The following RPGRIP1L variants were observed in gnomAD, a reference collection of about 807,000 sequenced individuals.
RPGRIP1L encodes RPGRIP1 like, also known as protein fantom.
A neutral mutation model predicts 160.4 loss-of-function variants in RPGRIP1L; 131 were observed. The observed-to-expected ratio is 0.82, with a 90% CI of 0.71 to 0.94. The LOEUF (loss-of-function observed/expected upper bound fraction) is 0.94. Among genes scored for constraint, RPGRIP1L ranks in the 40% least tolerant of loss-of-function variants. The probability of loss-of-function intolerance (pLI) is 0.00; values close to 1 mark genes in which losing one functional copy is unlikely to be tolerated. For synonymous variants in RPGRIP1L, 510 were observed against 515.8 expected (o/e 0.99, Z 0.15); for missense variants, 1,522 against 1,535.8 (o/e 0.99, Z 0.15).
intron 1 of RPGRIP1L, among the ~76,000 whole-genome samples, chr16:53,703,044 G>A (rs575901274): frequency 8.5e-5 from 13 of 152,288 alleles, no homozygotes; most frequent in Non-Finnish European, 1.5e-4. Flanking sequence ...CGAGACGGGC[G>A]GCTGACTTCA....
chr16:53,618,213 T>C (rs921298220), intron 24 of RPGRIP1L, among the ~76,000 whole-genome samples: 1 of 152,172 alleles, frequency 6.6e-6, no homozygotes, highest in Admixed American at 6.5e-5. Flanking sequence ...GTGTGTGCTA[T>C]ATGATGAAAG....
chr16:53,690,552 A>G lies in RPGRIP1L; in HGVS notation c.529+1514T>C, dbSNP rs746622147. Among the ~76,000 whole-genome samples, 4 of 151,822 alleles carry G rather than the reference A, an allele frequency of 2.6e-5. No homozygotes were observed. In the South Asian group the frequency reaches 8.3e-4, roughly 32 times the overall value. On this transcript the variant is annotated intron_variant, in intron 4 of 26. Transcript: ENST00000647211. Reference sequence around the variant, plus strand: ...ACTACGTCGCCCAGGCTAGACTCAAACTCCTGGGCTCAAGTAATCTTCCCA... The same window carrying G: ...ACTACGTCGCCCAGGCTAGACTCAAGCTCCTGGGCTCAAGTAATCTTCCCA...
chr16:53,622,799 CCACACACACACACACACACACA>C (rs201959082), intron 22 of RPGRIP1L, among the ~76,000 whole-genome samples: 9 of 135,806 alleles, frequency 6.6e-5, no homozygotes, highest in South Asian at 2.5e-4. Context: ...AAAACAAAAA[CCACACACACACACACACACACA>C]CACACACACA....
intron 25 of RPGRIP1L, chr16:53,607,848 TA>T: frequency 3.0e-6 from 1 of 335,232 alleles, no homozygotes; most frequent in Non-Finnish European, 4.2e-6. Flanking sequence ...AAAAGTACAC[TA>T]AAATCATTTA....
chr16:53,626,433 T>C (rs1304729282), intron 22 of RPGRIP1L, among the ~76,000 whole-genome samples: 3 of 152,190 alleles, frequency 2.0e-5, no homozygotes, highest in Non-Finnish European at 2.9e-5. Flanking sequence ...AAGATGCTTC[T>C]TCTCAGTTCT....
At chr16:53,652,133 T>C (rs1289244243) in intron 15 of RPGRIP1L, among the ~76,000 whole-genome samples, 5 of 152,194 alleles carry the variant, frequency 3.3e-5, no homozygotes, top group Non-Finnish European at 7.3e-5. Flanking sequence ...TGGAGTGCAG[T>C]GGCGCCATCT....
chr16:53,671,610 A>T lies in RPGRIP1L; in HGVS notation c.1030-27T>A, dbSNP rs199545925. ...TAAAATGAAAATAAAATTACATATT[A>T]AGTAAATATTATATAAAACCACTTG... On this transcript the variant is annotated intron_variant, in intron 8 of 26. Transcript: ENST00000647211. The T allele has an allele frequency of 4.8e-6, 6 of 1,237,496 alleles. No homozygotes were observed. In the Admixed American group the frequency reaches 7.3e-5, roughly 15 times the overall value. The allele number at this position is 1,237,496 out of a possible 1,614,324, so 76.7% of individuals were successfully genotyped here.
chr16:53,639,156 T>C (rs1038804188), intron 19 of RPGRIP1L, among the ~76,000 whole-genome samples: 1 of 151,986 alleles, frequency 6.6e-6, no homozygotes, highest in Non-Finnish European at 1.5e-5. Context: ...CAAACGAATG[T>C]TTAGTTTTAA....
intron 22 of RPGRIP1L, among the ~76,000 whole-genome samples, chr16:53,631,933 T>C (rs1965546253): frequency 6.6e-6 from 1 of 152,224 alleles, no homozygotes; most frequent in African/African-American, 2.4e-5. Flanking sequence ...CTAAACTTTA[T>C]GTAGCCTGTT....
At chr16:53,700,562 GAGTATA>G in intron 2 of RPGRIP1L, 71 bp downstream of exon 2, 1 of 1,120,532 alleles carries the variant, frequency 8.9e-7, no homozygotes. Context: ...TGGTTTGTAT[GAGTATA>G]AGAAATACTT....
intron 22 of RPGRIP1L, among the ~76,000 whole-genome samples, chr16:53,624,750 TCCCTCC>T (rs111853130): frequency 0.02 from 2,913 of 147,322 alleles, 44 homozygotes; most frequent in Non-Finnish European, 0.028. Flanking sequence ...AAAATGGGAG[TCCCTCC>T]CCCTCCCCCT....
At position 53,622,324 on chromosome 16, in the gene RPGRIP1L, A is replaced by T; in HGVS notation, c.3327T>A (p.Ser1109Arg). 2 of 648,252 alleles carry T rather than the reference A, an allele frequency of 3.1e-6. No individual in the cohort carries two copies. The highest frequency in any genetic ancestry group is 5.6e-6 in the Non-Finnish European group (2 of 354,384). 40.2% of individuals were successfully genotyped at this position (648,252 alleles called of 1,614,324 possible). A position where few individuals can be genotyped will look rare whatever the true frequency, so the allele number is the denominator to read the frequency against. Residue 1109 changes from serine (S) to arginine (R), a missense_variant, in exon 23 of 27, where the codon AGT (serine) becomes AGA (arginine). Physicochemically the swap from Ser to Arg is moderately radical, Grantham distance 110. Coordinates refer to ENST00000647211, the MANE Select transcript of RPGRIP1L (RefSeq NM_015272.5). Reference protein sequence around the residue: ...SLALSPGLGCSSAISAHCNFR... With the variant: ...SLALSPGLGCRSAISAHCNFR... ...AGTTGCAGTGAGCTGAGATCGCGCT[A>T]CTGCACCCCAGCCCGGGAGACAATG...
intron 6 of RPGRIP1L, among the ~76,000 whole-genome samples, chr16:53,681,235 C>T (rs768367138): frequency 4.6e-5 from 7 of 152,110 alleles, no homozygotes; most frequent in Non-Finnish European, 2.9e-5. Flanking sequence ...ATTTCCTCCA[C>T]TGGGACATTA....
At chr16:53,645,597 T>C (rs1234677193) in intron 17 of RPGRIP1L, 28 bp downstream of exon 17, 13 of 1,603,832 alleles carry the variant, frequency 8.1e-6, no homozygotes, top group Non-Finnish European at 1.1e-5. Flanking sequence ...GTTTTTACAA[T>C]TTTATAGATT....
chr16:53,687,357 A>T (rs1970092312), intron 5 of RPGRIP1L, among the ~76,000 whole-genome samples: 1 of 152,184 alleles, frequency 6.6e-6, no homozygotes, highest in East Asian at 1.9e-4. Context: ...AAAGTAAGCT[A>T]AATGTGGCAG....
intron 15 of RPGRIP1L, among the ~76,000 whole-genome samples, chr16:53,650,446 G>C (rs1271294830): frequency 6.6e-6 from 1 of 152,180 alleles, no homozygotes; most frequent in African/African-American, 2.4e-5. Context: ...CTTTCAAGCT[G>C]GGTGTAGTGG....
chr16:53,615,982 G>A (rs1964354433), intron 24 of RPGRIP1L, among the ~76,000 whole-genome samples: 1 of 152,122 alleles, frequency 6.6e-6, no homozygotes, highest in Admixed American at 6.5e-5. Flanking sequence ...ATAATCTAGG[G>A]AATCACTAGT....
chr16:53,681,532 G>T (rs1969606501), intron 6 of RPGRIP1L, among the ~76,000 whole-genome samples: 1 of 151,966 alleles, frequency 6.6e-6, no homozygotes, highest in African/African-American at 2.4e-5. Flanking sequence ...AGACATTCAG[G>T]CTACTTGTAA....
chr16:53,700,570 G>C, intron 2 of RPGRIP1L, 69 bp downstream of exon 2: 1 of 1,231,060 alleles, frequency 8.1e-7, no homozygotes, highest in Non-Finnish European at 1.2e-6. Context: ...ATGAGTATAA[G>C]AAATACTTTA....
Sources: gnomAD v4.1 joint callset for allele counts (sites outside exome capture counted in the v4.1 genomes callset) on GRCh38, gnomAD v4.1.1 for gene constraint, MANE v1.5 for transcripts, NCBI Gene and HGNC (gene_info 2026-07-23, HGNC 2026-07-21) for gene names.